The following ASB18 variants were observed in gnomAD, a reference collection of about 807,000 sequenced individuals.
ASB18 encodes ankyrin repeat and SOCS box containing 18.
In ASB18, 33 loss-of-function variants were observed where a neutral mutation model predicts 33.4. The ratio of observed to expected loss-of-function variants is 0.99; its 90% CI spans 0.75 to 1.32. The LOEUF is 1.32. Ranked by LOEUF, ASB18 falls within the 40% of genes most tolerant of loss-of-function variation. ASB18 has a pLI of 0.00. For synonymous variants in ASB18, 295 were observed against 307.6 expected (o/e 0.96, Z 0.43); for missense variants, 694 against 655.5 (o/e 1.06, Z -0.64).
rs1252814031 is a variant in ASB18 at position 236,237,855 on chromosome 2, C to A, written c.430G>T (p.Ala144Ser). 2.1e-6 allele frequency: 3 copies of A among 1,451,344 alleles called. No individual in the cohort carries two copies. Among genetic ancestry groups the A allele is most frequent in the Non-Finnish European group, 1.8e-6 (2 of 1,111,146 alleles). The allele number at this position is 1,451,344 out of a possible 1,614,324, so 89.9% of individuals were successfully genotyped here. A position where few individuals can be genotyped will look rare whatever the true frequency, so the allele number is the denominator to read the frequency against. Residue 144 changes from alanine to serine, a missense_variant, in exon 3 of 6, where the codon GCA (alanine) becomes TCA (serine). Physicochemically the swap from Ala to Ser is moderately conservative, Grantham distance 99. Coordinates refer to ENST00000409749, the MANE Select transcript of ASB18 (RefSeq NM_212556.4). This position sits in a 1 kb window ranked among gnomAD's most constrained non-coding sequence, Gnocchi z 6.2. ...ACVRHLLGRG[A>S]DPDASPGGRG... ...CCGCCGGGGCTGGCGTCTGGGTCTG[C>A]GCCGCGGCCGAGCAGGTGTCGCACG...
At position 236,244,613 on chromosome 2, in the gene ASB18, A is replaced by T. The variant is rs1444127537; in HGVS notation, c.206-3211T>A. 1.3e-5 allele frequency among the ~76,000 whole-genome samples: 2 copies of T among 149,890 alleles called. No homozygotes were observed. Among genetic ancestry groups the T allele is most frequent in the African/African-American group, 4.9e-5 (2 of 40,570 alleles). On this transcript the variant is annotated intron_variant, in intron 1 of 5. Transcript: ENST00000409749. This position sits in a 1 kb window ranked among gnomAD's most constrained non-coding sequence, Gnocchi z 6.1. ...CAAAGGCTGCCTTGTGACTCCCCCT[A>T]CCCCTCGTCAAGTGCCCCCCGACCT...
Position 236,196,945 on chromosome 2 carries a change from T to C in ASB18, c.1102-560A>G, listed in dbSNP as rs1431876794. Among the ~76,000 whole-genome samples, 1 of 152,228 alleles carries C rather than the reference T, an allele frequency of 6.6e-6. No homozygotes were observed. Among genetic ancestry groups the C allele is most frequent in the Non-Finnish European group, 1.5e-5 (1 of 68,038 alleles). On this transcript the variant is annotated intron_variant, in intron 4 of 5. Coordinates refer to ENST00000409749, the MANE Select transcript of ASB18 (RefSeq NM_212556.4). This position sits in a 1 kb window ranked among gnomAD's most constrained non-coding sequence, Gnocchi z 5.6. ...TTCACAAATTTATAATTCAAGTCCA[T>C]TAGCTTCACCATAAAGATGGGAACA...
rs2060710878 is a variant in ASB18 at position 236,260,037 on chromosome 2, G to T, written c.205+4104C>A. On this transcript the variant is annotated intron_variant, in intron 1 of 5. Transcript: ENST00000409749. This position sits in a 1 kb window ranked among gnomAD's most constrained non-coding sequence, Gnocchi z 5.1. ...ATTCTGTTTCTTTCTGTTCTATTTG[G>T]TGGGAGTAGTAAGTTCACAGGCCGA... Among the ~76,000 whole-genome samples, 1 of 152,144 alleles carries T rather than the reference G, an allele frequency of 6.6e-6. No individual in the cohort carries two copies. Among genetic ancestry groups the T allele is most frequent in the Admixed American group, 6.5e-5 (1 of 15,272 alleles).
rs113523867 is a variant in ASB18, at chr2:236,201,450, G to A, written c.1102-5065C>T. ...ATTATAGATGTGAGCCACTACACCC[G>A]GCTCATCTTTCTTAAATAGTCTGCA... On this transcript the variant is annotated intron_variant, in intron 4 of 5. Transcript: ENST00000409749. 5.7e-3 allele frequency among the ~76,000 whole-genome samples: 865 copies of A among 152,170 alleles called. 6 individuals are homozygous for A. Among genetic ancestry groups the A allele is most frequent in the African/African-American group, 0.019 (791 of 41,500 alleles).
rs2060484998 is a variant in ASB18, at chr2:236,215,811, G to A, written c.597-945C>T. ...AGCCCACCCCCAACTTCAGCCACCTGCTCCCATAGTCACCTGCCATCGATA... is the reference window on the plus strand; with the variant it reads ...AGCCCACCCCCAACTTCAGCCACCTACTCCCATAGTCACCTGCCATCGATA... On this transcript the variant is annotated intron_variant, in intron 3 of 5. Coordinates refer to ENST00000409749, the MANE Select transcript of ASB18 (RefSeq NM_212556.4). The surrounding 1 kb of genome is among the most constrained non-coding windows in gnomAD (Gnocchi z 7.2). 6.6e-6 allele frequency among the ~76,000 whole-genome samples: 1 copy of A among 152,086 alleles called. No homozygotes were observed. The highest frequency in any genetic ancestry group is 2.4e-5 in the African/African-American group (1 of 41,414).
In ASB18 at chr2:236,238,256, G is replaced by T. The variant is rs1310089376; in HGVS notation, c.329-300C>A. ...CAAGAGGATTTTGCCAAATACGGGG[G>T]TGACTGGGAAATGGGGTCAGTTAAA... On this transcript the variant is annotated intron_variant, in intron 2 of 5. Transcript: ENST00000409749. The surrounding 1 kb of genome is among the most constrained non-coding windows in gnomAD (Gnocchi z 5.2). Among the ~76,000 whole-genome samples the T allele has an allele frequency of 6.6e-6, 1 of 152,124 alleles. No homozygotes were observed. The highest frequency in any genetic ancestry group is 1.5e-5 in the Non-Finnish European group (1 of 68,024).
rs112769669 is a variant in ASB18 at position 236,262,888 on chromosome 2, G to A, written c.205+1253C>T. On this transcript the variant is annotated intron_variant, in intron 1 of 5. Transcript: ENST00000409749. This position sits in a 1 kb window ranked among gnomAD's most constrained non-coding sequence, Gnocchi z 5.2. ...CAGAAAGTAGACCCAAACCAAGGGG[G>A]GGGGGCGGACCCCCTCGGAAGTTCC... Among the ~76,000 whole-genome samples, 2 of 152,022 alleles carry A rather than the reference G, an allele frequency of 1.3e-5. No homozygotes were observed. Among genetic ancestry groups the A allele is most frequent in the Non-Finnish European group, 2.9e-5 (2 of 68,020 alleles).
rs1038542991 is a variant in ASB18 at position 236,226,913 on chromosome 2, C to A, written c.596+10776G>T. Among the ~76,000 whole-genome samples the A allele has an allele frequency of 2.0e-5, 3 of 152,158 alleles. No individual in the cohort carries two copies. Among genetic ancestry groups the A allele is most frequent in the Non-Finnish European group, 2.9e-5 (2 of 68,032 alleles). On this transcript the variant is annotated intron_variant, in intron 3 of 5. Coordinates refer to ENST00000409749, the MANE Select transcript of ASB18 (RefSeq NM_212556.4). The surrounding 1 kb of genome is among the most constrained non-coding windows in gnomAD (Gnocchi z 4.8). ...GAGTTTCTGAATACGCTTCACCCAG[C>A]TTCCCCTAAAGTTAATATCTAATAT...
In ASB18 at chr2:236,260,134, C is replaced by G. The variant is rs1266836135; in HGVS notation, c.205+4007G>C. Among the ~76,000 whole-genome samples the G allele has an allele frequency of 1.3e-5, 2 of 152,200 alleles. No individual in the cohort carries two copies. The highest frequency in any genetic ancestry group is 1.3e-4 in the Admixed American group (2 of 15,282). On this transcript the variant is annotated intron_variant, in intron 1 of 5. Coordinates refer to ENST00000409749, the MANE Select transcript of ASB18 (RefSeq NM_212556.4). This position sits in a 1 kb window ranked among gnomAD's most constrained non-coding sequence, Gnocchi z 5.1. ...TGTTAACATGCAGAGCGAATGGTTA[C>G]TTTTCTTTTTCTTATTTTTTCACAT...
Position 236,216,902 on chromosome 2 carries a change from A to G in ASB18, c.597-2036T>C, listed in dbSNP as rs1244580068. Among the ~76,000 whole-genome samples, 2 of 152,038 alleles carry G rather than the reference A, an allele frequency of 1.3e-5. No individual in the cohort carries two copies. Among genetic ancestry groups the G allele is most frequent in the East Asian group, 1.9e-4 (1 of 5,132 alleles). On this transcript the variant is annotated intron_variant, in intron 3 of 5. Coordinates refer to ENST00000409749, the MANE Select transcript of ASB18 (RefSeq NM_212556.4). The surrounding 1 kb of genome is among the most constrained non-coding windows in gnomAD (Gnocchi z 6.1). Reference sequence around the variant, plus strand: ...CTCCATGCTTCAATTCTGCCTGACCAGGTATGGTGCTGAGAGCACACTCTG... The same window carrying G: ...CTCCATGCTTCAATTCTGCCTGACCGGGTATGGTGCTGAGAGCACACTCTG...
intron 4 of ASB18, among the ~76,000 whole-genome samples, chr2:236,198,080 A>C (rs1175012806): frequency 1.3e-5 from 2 of 152,166 alleles, no homozygotes; most frequent in African/African-American, 4.8e-5. Context: ...GTCCAACAAA[A>C]GAAAGTATTG....
In ASB18 at chr2:236,260,116, A is replaced by T. The variant is rs2060711172; in HGVS notation, c.205+4025T>A. Among the ~76,000 whole-genome samples, 2 of 152,256 alleles carry T rather than the reference A, an allele frequency of 1.3e-5. No individual in the cohort carries two copies. The highest frequency in any genetic ancestry group is 1.3e-4 in the Admixed American group (2 of 15,284). On this transcript the variant is annotated intron_variant, in intron 1 of 5. Coordinates refer to ENST00000409749, the MANE Select transcript of ASB18 (RefSeq NM_212556.4). The surrounding 1 kb of genome is among the most constrained non-coding windows in gnomAD (Gnocchi z 5.1). ...AAGGTCCTCAAGTGATCATGTTAAC[A>T]TGCAGAGCGAATGGTTACTTTTCTT... is the stretch of plus-strand genomic sequence containing the variant.
chr2:236,214,480 G>C lies in ASB18; in HGVS notation c.983C>G (p.Ser328Trp), dbSNP rs1292548272. The C allele has an allele frequency of 2.7e-6, 4 of 1,505,102 alleles. No homozygotes were observed. Among genetic ancestry groups the C allele is most frequent in the East Asian group, 2.6e-5 (1 of 38,176 alleles). The allele number at this position is 1,505,102 out of a possible 1,614,324, so 93.2% of individuals were successfully genotyped here. Reference protein sequence around the residue: ...DAGALDYGGASPLGRVLQTAS... With the variant: ...DAGALDYGGAWPLGRVLQTAS... ...GGTCTGGAGCACGCGGCCCAGCGGC[G>C]AGGCCCCGCCATAGTCGAGCGCGCC... is the stretch of plus-strand genomic sequence containing the variant. The change falls in exon 4 of 6, where the codon TCG (serine) becomes TGG (tryptophan). Residue 328 changes from serine (S) to tryptophan (W), a missense_variant. Coordinates refer to ENST00000409749, the MANE Select transcript of ASB18 (RefSeq NM_212556.4). This position sits in a 1 kb window ranked among gnomAD's most constrained non-coding sequence, Gnocchi z 6.5.
chr2:236,247,009 G>C (rs1052571377), intron 1 of ASB18, among the ~76,000 whole-genome samples: 1 of 152,080 alleles, frequency 6.6e-6, no homozygotes, highest in Non-Finnish European at 1.5e-5. Flanking sequence ...AGGGATAAAA[G>C]CCATTCCACA....
chr2:236,240,291 T>A (rs2060615465), intron 2 of ASB18, among the ~76,000 whole-genome samples: 1 of 152,168 alleles, frequency 6.6e-6, no homozygotes, highest in South Asian at 2.1e-4. Flanking sequence ...GCCTCACTGG[T>A]TGGCAGGAGC....
At position 236,200,023 on chromosome 2, in the gene ASB18, T is replaced by C. The variant is rs2060392596; in HGVS notation, c.1102-3638A>G. On this transcript the variant is annotated intron_variant, in intron 4 of 5. Coordinates refer to ENST00000409749, the MANE Select transcript of ASB18 (RefSeq NM_212556.4). This position sits in a 1 kb window ranked among gnomAD's most constrained non-coding sequence, Gnocchi z 4.2. ...TCTTCATTTTAAAGAAATTTAGCAT[T>C]GCATAGATAACAGTCAAGGTCCATT... Among the ~76,000 whole-genome samples, 1 of 152,192 alleles carries C rather than the reference T, an allele frequency of 6.6e-6. No homozygotes were observed. The highest frequency in any genetic ancestry group is 1.5e-5 in the Non-Finnish European group (1 of 68,038).
At chr2:236,242,425 CG>C (rs1359812906) in intron 1 of ASB18, among the ~76,000 whole-genome samples, 1 of 151,794 alleles carries the variant, frequency 6.6e-6, no homozygotes, top group Non-Finnish European at 1.5e-5. Flanking sequence ...CACTAGTTGG[CG>C]ATCTCCACTC....
At position 236,262,168 on chromosome 2, in the gene ASB18, A is replaced by AAGGATATTTAGGTTC. The variant is rs1307731680; in HGVS notation, c.205+1958_205+1972dup. Among the ~76,000 whole-genome samples, 2 of 152,272 alleles carry AAGGATATTTAGGTTC rather than the reference A, an allele frequency of 1.3e-5. No homozygotes were observed. The highest frequency in any genetic ancestry group is 4.8e-5 in the African/African-American group (2 of 41,478). On this transcript the variant is annotated intron_variant, in intron 1 of 5. Transcript: ENST00000409749. The surrounding 1 kb of genome is among the most constrained non-coding windows in gnomAD (Gnocchi z 5.2). ...CAGGGCAATTAGTAATGTGAAAAGA[A>AAGGATATTTAGGTTC]AGGATATTTAGGTTCAGGATTCCCA...
Position 236,245,066 on chromosome 2 carries a change from A to C in ASB18, c.206-3664T>G, listed in dbSNP as rs1434555781. Reference sequence around the variant, plus strand: ...GTGCTGTGAAAGCTGAGGGGCTCACATGGGTGAGAGTCAACCTCAGCTGGG... The same window carrying C: ...GTGCTGTGAAAGCTGAGGGGCTCACCTGGGTGAGAGTCAACCTCAGCTGGG... On this transcript the variant is annotated intron_variant, in intron 1 of 5. Coordinates refer to ENST00000409749, the MANE Select transcript of ASB18 (RefSeq NM_212556.4). The surrounding 1 kb of genome is among the most constrained non-coding windows in gnomAD (Gnocchi z 4.7). Among the ~76,000 whole-genome samples, 2 of 152,144 alleles carry C rather than the reference A, an allele frequency of 1.3e-5. No individual in the cohort carries two copies. Among genetic ancestry groups the C allele is most frequent in the African/African-American group, 4.8e-5 (2 of 41,448 alleles).
Sources: allele counts gnomAD v4.1 joint callset (sites outside exome capture counted in the v4.1 genomes callset), GRCh38; gene constraint gnomAD v4.1.1; non-coding constraint Gnocchi (gnomAD v3.1); transcripts MANE v1.5; gene names NCBI Gene and HGNC (gene_info 2026-07-23, HGNC 2026-07-21).